RASAL2: variants seen among roughly 807,000 people sequenced by gnomAD.
The protein encoded by RASAL2 is ras GTPase-activating protein nGAP.
Under a neutral mutation model 128.9 loss-of-function variants are expected in RASAL2, and 58 were observed. The observed-to-expected ratio is 0.45, with a 90% CI of 0.36 to 0.56. RASAL2 has a LOEUF of 0.56. RASAL2 is among the 20% of genes least tolerant of loss of function. The pLI is 0.00. For missense variants in RASAL2, 1,360 were observed against 1,601.6 expected, an observed-to-expected ratio of 0.85 and a Z score of 2.57; for synonymous variants, 561 against 580.8, an observed-to-expected ratio of 0.97 and a Z score of 0.49.
chr1:178,283,570 A>G lies in RASAL2; in HGVS notation c.209A>G (p.Lys70Arg). ...TTTCCCTTTTCTCATGCAGATGTGA[A>G]AGGACCACCCACCCACCGTCTGTCT... The part of the protein sequence containing the change: ...QQSWVRVYDV[K>R]GPPTHRLSCG... The change falls in exon 2 of 18, where the codon AAA becomes AGA. Residue 70 changes from lysine (K) to arginine (R), a missense_variant. Physicochemically the swap from Lys to Arg is conservative, Grantham distance 26. This residue lies in a region of RASAL2 where 617 missense variants were observed against 714.2 expected (regional missense o/e 0.86). Transcript: ENST00000367649. The G allele has an allele frequency of 6.2e-7, 1 of 1,612,256 alleles. No homozygotes were observed. The highest frequency in any genetic ancestry group is 2.2e-5 in the East Asian group (1 of 44,824).
In RASAL2 at chr1:178,465,952, C is replaced by G. The variant is rs147015626; in HGVS notation, c.3420C>G (p.Arg1140=). The G allele has an allele frequency of 2.2e-4, 349 of 1,554,814 alleles. No homozygotes were observed. In the East Asian group the frequency reaches 7.2e-3, roughly 32 times the overall value. The change falls in exon 16 of 18, where the codon CGC becomes CGG. Residue 1140 remains arginine (R), a synonymous_variant. Coordinates refer to ENST00000367649, the MANE Select transcript of RASAL2 (RefSeq NM_170692.4). ...YEQEITKLKE[R]LRVSSRRLEE... ...AAGAAATTACTAAACTGAAGGAGCG[C>G]CTGAGAGTTTCCAGCCGGCGACTGG...
chr1:178,386,079 T>C (rs1462427854), intron 3 of RASAL2, among the ~76,000 whole-genome samples: 3 of 152,208 alleles, frequency 2.0e-5, no homozygotes, highest in African/African-American at 7.2e-5. Context: ...CCAAAGGCAG[T>C]GTATACACTA....
At chr1:178,464,854 T>G in intron 15 of RASAL2, among the ~76,000 whole-genome samples, 1 of 139,378 alleles carries the variant, frequency 7.2e-6, no homozygotes, top group Non-Finnish European at 1.6e-5. Flanking sequence ...TTTTTTTTTT[T>G]TTGCCTTTTC....
Position 178,464,393 on chromosome 1 carries a change from A to C in RASAL2, c.3368A>C (p.Glu1123Ala). The change falls in exon 15 of 18, where the codon GAA (glutamate) becomes GCA (alanine). Residue 1123 changes from glutamate to alanine, a missense_variant. Around this residue, in one of 3 missense-constraint regions of RASAL2, gnomAD observed 741 missense variants for 868.6 expected, o/e 0.85. Coordinates refer to ENST00000367649, the MANE Select transcript of RASAL2 (RefSeq NM_170692.4). ...DVEETEQNLD[E>A]AKHAEKYEQE... is the part of the protein sequence containing the mutation. ...GAAGAAACTGAGCAAAATCTAGATG[A>C]AGCCAAGCATGCTGAGAAGGTAGAA... The C allele has an allele frequency of 6.2e-7, 1 of 1,613,806 alleles. No individual in the cohort carries two copies. The highest frequency in any genetic ancestry group is 8.5e-7 in the Non-Finnish European group (1 of 1,179,796).
chr1:178,262,803 T>C (rs1665761098), intron 1 of RASAL2, among the ~76,000 whole-genome samples: 1 of 151,592 alleles, frequency 6.6e-6, no homozygotes, highest in South Asian at 2.1e-4. Context: ...TCATTTTTTT[T>C]TTTTTTTTTA....
At chr1:178,379,685 T>G (rs1672176542) in intron 3 of RASAL2, among the ~76,000 whole-genome samples, 2 of 152,152 alleles carry the variant, frequency 1.3e-5, no homozygotes, top group Admixed American at 1.3e-4. Context: ...CAGGTGGACA[T>G]GGTTCCCTTA....
intron 3 of RASAL2, among the ~76,000 whole-genome samples, chr1:178,340,462 A>T (rs935021629): frequency 6.6e-6 from 1 of 152,190 alleles, no homozygotes; most frequent in Non-Finnish European, 1.5e-5. Flanking sequence ...ATAGAAAAAA[A>T]CCCTAGAAAT....
At chr1:178,372,657 A>G (rs905982432) in intron 3 of RASAL2, among the ~76,000 whole-genome samples, 1 of 152,140 alleles carries the variant, frequency 6.6e-6, no homozygotes, top group African/African-American at 2.4e-5. Flanking sequence ...TTTACTCTCA[A>G]TACAGTGATG....
At chr1:178,305,001 G>T (rs1314594673) in intron 3 of RASAL2, among the ~76,000 whole-genome samples, 1 of 152,136 alleles carries the variant, frequency 6.6e-6, no homozygotes, top group Non-Finnish European at 1.5e-5. Flanking sequence ...ATTTCTGTAT[G>T]TTAACAGTGA....
Position 178,473,346 on chromosome 1 carries a change from C to A in RASAL2, c.*107C>A. 2 of 1,371,358 alleles carry A rather than the reference C, an allele frequency of 1.5e-6. No homozygotes were observed. The highest frequency in any genetic ancestry group is 2.4e-5 in the East Asian group (1 of 41,870). 84.9% of individuals were successfully genotyped at this position (1,371,358 alleles called of 1,614,324 possible). ...ACAGAATGTTGCTACTTCACAATGG[C>A]GATGTGGTGAGAAACTCCTGAATGA... On this transcript the variant is annotated 3_prime_UTR_variant, in exon 18 of 18. Transcript: ENST00000367649.
chr1:178,282,647 T>C (rs1437824555), intron 1 of RASAL2, among the ~76,000 whole-genome samples: 1 of 152,184 alleles, frequency 6.6e-6, no homozygotes, highest in African/African-American at 2.4e-5. Flanking sequence ...TTTTCTAATC[T>C]TTTCAATTTG....
At chr1:178,281,150 C>T (rs1666763366) in intron 1 of RASAL2, among the ~76,000 whole-genome samples, 1 of 151,646 alleles carries the variant, frequency 6.6e-6, no homozygotes, top group Non-Finnish European at 1.5e-5. Flanking sequence ...GGTATACATT[C>T]TCATAAAATG....
At chr1:178,325,399 AC>A (rs1359137529) in intron 3 of RASAL2, among the ~76,000 whole-genome samples, 2 of 152,178 alleles carry the variant, frequency 1.3e-5, no homozygotes, top group African/African-American at 4.8e-5. Context: ...GAGTAGTGCC[AC>A]CGAAGAGTCA....
At chr1:178,131,161 C>T (rs552642923) in intron 1 of RASAL2, among the ~76,000 whole-genome samples, 13 of 151,846 alleles carry the variant, frequency 8.6e-5, no homozygotes, top group Non-Finnish European at 1.5e-4. Flanking sequence ...GAGTAAAACC[C>T]AGTAAGTGCC....
intron 3 of RASAL2, among the ~76,000 whole-genome samples, chr1:178,344,843 G>A (rs1035426236): frequency 6.6e-6 from 1 of 152,156 alleles, no homozygotes; most frequent in Non-Finnish European, 1.5e-5. Context: ...AAGAAAATGA[G>A]TCATGACTCA....
At chr1:178,262,787 C>T (rs551660482) in intron 1 of RASAL2, among the ~76,000 whole-genome samples, 1 of 149,528 alleles carries the variant, frequency 6.7e-6, no homozygotes, top group Admixed American at 6.7e-5. Flanking sequence ...CCCCCCTGCC[C>T]CCCACTCATT....
At chr1:178,152,427 T>C (rs1571551832) in intron 1 of RASAL2, among the ~76,000 whole-genome samples, 1 of 152,300 alleles carries the variant, frequency 6.6e-6, no homozygotes, top group Non-Finnish European at 1.5e-5. Context: ...TTATTGAATA[T>C]GAAGAGGTTG....
intron 1 of RASAL2, among the ~76,000 whole-genome samples, chr1:178,180,505 A>G (rs1398770974): frequency 1.3e-5 from 2 of 149,248 alleles, no homozygotes; most frequent in Non-Finnish European, 1.5e-5. Flanking sequence ...AAAAAAAAAA[A>G]AAAACCCACA....
chr1:178,124,028 C>T (rs772094477), intron 1 of RASAL2, among the ~76,000 whole-genome samples: 1 of 152,122 alleles, frequency 6.6e-6, no homozygotes, highest in Non-Finnish European at 1.5e-5. Flanking sequence ...AACTTTTTCC[C>T]ACCCAAAGGA....
Sources: allele counts gnomAD v4.1 joint callset (sites outside exome capture counted in the v4.1 genomes callset), GRCh38; gene constraint gnomAD v4.1.1; regional missense constraint gnomAD v4.1.1; transcripts MANE v1.5; gene names NCBI Gene and HGNC (gene_info 2026-07-23, HGNC 2026-07-21).